Variants in ERRFI1 observed in about 807,000 individuals in gnomAD.
The protein encoded by ERRFI1 is mitogen-inducible gene 6 protein.
A neutral mutation model predicts 14.6 loss-of-function variants in ERRFI1; 12 were observed. The observed-to-expected ratio is 0.82, with a 90% CI of 0.53 to 1.33. The LOEUF (loss-of-function observed/expected upper bound fraction) is 1.33, where lower values mean the gene tolerates loss of function less well. Among genes scored for constraint, ERRFI1 ranks in the 40% most tolerant of loss-of-function variants. ERRFI1 has a pLI of 0.00. For missense variants in ERRFI1, 482 were observed against 572.1 expected (o/e 0.84, Z 1.61); for synonymous variants, 202 against 209.9 (o/e 0.96, Z 0.32).
At chr1:8,021,966 T>G (rs1001226749) in intron 1 of ERRFI1, among the ~76,000 whole-genome samples, 1 of 152,210 alleles carries the variant, frequency 6.6e-6, no homozygotes, top group African/African-American at 2.4e-5. Flanking sequence ...CTGCTCAACT[T>G]GTAAGGGTAG....
At chr1:8,021,428 A>G (rs1641272793) in intron 1 of ERRFI1, among the ~76,000 whole-genome samples, 1 of 152,230 alleles carries the variant, frequency 6.6e-6, no homozygotes, top group Non-Finnish European at 1.5e-5. Flanking sequence ...CCTACAGAGT[A>G]GCACAATCAG....
At chr1:8,014,683 A>G in intron 3 of ERRFI1, 1 of 396,456 alleles carries the variant, frequency 2.5e-6, no homozygotes, top group Admixed American at 4.2e-5. Flanking sequence ...ACGTGTGTAA[A>G]ATTCGCGGAA....
rs146922243 is a variant in ERRFI1, at chr1:8,014,065, A to T, written c.534T>A (p.Asp178Glu). ...TAGAGTCTTCTAAAAGGAAGTCTGT[A>T]TCTGAGCTAGTTAGGAATTCCACCT... ...DCEVEFLTSS[D>E]TDFLLEDSTL... The change falls in exon 4 of 4, where the codon GAT (aspartate) becomes GAA (glutamate). Residue 178 changes from aspartate to glutamate, a missense_variant. Asp to Glu is a conservative substitution (Grantham distance 45). Coordinates refer to ENST00000377482, the MANE Select transcript of ERRFI1 (RefSeq NM_018948.4). The T allele has an allele frequency of 1.2e-6, 2 of 1,614,060 alleles. No homozygotes were observed. The highest frequency in any genetic ancestry group is 2.7e-5 in the African/African-American group (2 of 74,912).
chr1:8,017,221 T>C (rs1201854111), intron 1 of ERRFI1, among the ~76,000 whole-genome samples: 5 of 151,994 alleles, frequency 3.3e-5, no homozygotes, highest in Admixed American at 6.6e-5. Context: ...AGGAACACAG[T>C]GATAAGTAAT....
intron 1 of ERRFI1, among the ~76,000 whole-genome samples, chr1:8,024,980 G>C (rs1446988657): frequency 5.3e-5 from 8 of 152,118 alleles, no homozygotes; most frequent in Admixed American, 5.2e-4. Flanking sequence ...CAACAAATGT[G>C]TGTACCCACT....
At position 8,015,702 on chromosome 1, in the gene ERRFI1, A is replaced by G. The variant is rs1641164207; in HGVS notation, c.-73-10T>C. The G allele has an allele frequency of 2.6e-6, 4 of 1,539,858 alleles. No homozygotes were observed. The highest frequency in any genetic ancestry group is 2.7e-6 in the Non-Finnish European group (3 of 1,123,542). ...CAGTAGCTTTCATTCCCTGGGAGGT[A>G]GAAGAGATGAGAGAATAAAGAAAAC... On this transcript the variant is annotated splice_polypyrimidine_tract_variant and intron_variant, in intron 1 of 3. Coordinates refer to ENST00000377482, the MANE Select transcript of ERRFI1 (RefSeq NM_018948.4).
intron 1 of ERRFI1, among the ~76,000 whole-genome samples, chr1:8,025,379 T>C (rs1210430880): frequency 6.6e-6 from 1 of 152,168 alleles, no homozygotes; most frequent in Admixed American, 6.5e-5. Context: ...GAACACATAA[T>C]TTTGCAGTCC....
At chr1:8,021,776 T>G (rs1228088582) in intron 1 of ERRFI1, among the ~76,000 whole-genome samples, 1 of 152,174 alleles carries the variant, frequency 6.6e-6, no homozygotes, top group Non-Finnish European at 1.5e-5. Flanking sequence ...ATTATTACTC[T>G]CACTTACTTG....
In ERRFI1 at chr1:8,015,592, C is replaced by T. The variant is rs1360219772; in HGVS notation, c.28G>A (p.Glu10Lys). The T allele has an allele frequency of 1.2e-6, 2 of 1,614,008 alleles. No individual in the cohort carries two copies. Among genetic ancestry groups the T allele is most frequent in the Non-Finnish European group, 1.7e-6 (2 of 1,179,992 alleles). Reference protein sequence around the residue: MSIAGVAAQEIRVPLKTGFL... With the variant: MSIAGVAAQKIRVPLKTGFL... ...CCAGTTTTTAATGGGACTCTGATCTCCTGAGCAGCAACTCCTGCTATTGAC... is the reference window on the plus strand; with the variant it reads ...CCAGTTTTTAATGGGACTCTGATCTTCTGAGCAGCAACTCCTGCTATTGAC... The change falls in exon 2 of 4, where the codon GAG becomes AAG. Residue 10 changes from glutamate to lysine, a missense_variant. Glu to Lys is a moderately conservative substitution (Grantham distance 56, BLOSUM62 1). Coordinates refer to ENST00000377482, the MANE Select transcript of ERRFI1 (RefSeq NM_018948.4).
intron 1 of ERRFI1, among the ~76,000 whole-genome samples, chr1:8,020,905 G>C (rs545132932): frequency 2.4e-4 from 36 of 152,294 alleles, no homozygotes; most frequent in African/African-American, 8.7e-4. Flanking sequence ...AGGGAGGCAA[G>C]TTAAGAAAAC....
intron 3 of ERRFI1, 103 bp downstream of exon 3, chr1:8,015,205 T>C: frequency 9.9e-7 from 1 of 1,009,322 alleles, no homozygotes; most frequent in Non-Finnish European, 1.5e-6. Context: ...TTGGAAATAG[T>C]TCAGGTTTCC....
In ERRFI1 at chr1:8,013,276, TG is replaced by T. The variant is rs1557463119; in HGVS notation, c.1322del (p.Ser441Ter). 6.2e-7 allele frequency: 1 copy of T among 1,614,148 alleles called. No homozygotes were observed. Among genetic ancestry groups the T allele is most frequent in the Non-Finnish European group, 8.5e-7 (1 of 1,180,016 alleles). ...GGCCACCCAGATCCATTTTTGTTTT[TG>T]AGTCTGGCTTTTCTGTGGCTGAAGA... Reference protein sequence around the residue: ...GISSATEKPDSKTKMDLGGHV... With the variant: ...GISSATEKPDXKTKMDLGGHV... On this transcript the variant is annotated frameshift_variant, in exon 4 of 4. Coordinates refer to ENST00000377482, the MANE Select transcript of ERRFI1 (RefSeq NM_018948.4). LOFTEE classifies it low-confidence loss of function (END_TRUNC). This position sits in a 1 kb window ranked among gnomAD's most constrained non-coding sequence, Gnocchi z 4.3.
At chr1:8,016,607 A>G (rs1218176701) in intron 1 of ERRFI1, among the ~76,000 whole-genome samples, 1 of 152,012 alleles carries the variant, frequency 6.6e-6, no homozygotes, top group Non-Finnish European at 1.5e-5. Context: ...TTCCTTTTTT[A>G]TTATTCGTTA....
rs980250925 is a variant in ERRFI1 at position 8,014,375 on chromosome 1, G to T, written c.224C>A (p.Pro75Gln). ...IPLGHASKSA[P>Q]MNGHCFAENG... ...TTCTGCAAAGCAGTGGCCATTCATC[G>T]GAGCAGATTTGGAAGCATGCCCTGG... The change falls in exon 4 of 4, where the codon CCG becomes CAG. Residue 75 changes from proline (P) to glutamine (Q), a missense_variant. By Grantham distance (76) the Pro-to-Gln change is moderately conservative. Coordinates refer to ENST00000377482, the MANE Select transcript of ERRFI1 (RefSeq NM_018948.4). 1 of 1,588,380 alleles carries T rather than the reference G, an allele frequency of 6.3e-7. No homozygotes were observed. Among genetic ancestry groups the T allele is most frequent in the Admixed American group, 1.8e-5 (1 of 56,534 alleles).
intron 1 of ERRFI1, among the ~76,000 whole-genome samples, chr1:8,024,439 G>T (rs550357257): frequency 4.4e-4 from 67 of 152,302 alleles, no homozygotes; most frequent in African/African-American, 1.4e-3. Context: ...CTCCAATCCT[G>T]CTGAGCCTTA....
At position 8,012,629 on chromosome 1, in the gene ERRFI1, G is replaced by A. The variant is rs1569577361; in HGVS notation, c.*581C>T. The A allele has an allele frequency of 1.8e-5, 4 of 228,236 alleles. No homozygotes were observed. In the South Asian group the frequency reaches 7.3e-4, roughly 42 times the overall value. The allele number at this position is 228,236 out of a possible 1,614,324, so 14.1% of individuals were successfully genotyped here. On this transcript the variant is annotated 3_prime_UTR_variant, in exon 4 of 4. Coordinates refer to ENST00000377482, the MANE Select transcript of ERRFI1 (RefSeq NM_018948.4). The stretch of plus-strand genomic sequence containing the variant: ...TTGGTATGATTTTTAACCTAAGCAG[G>A]TACACCCATGGTAAAGAATGGATAC...
intron 1 of ERRFI1, among the ~76,000 whole-genome samples, chr1:8,021,899 G>A (rs1641278327): frequency 6.6e-6 from 1 of 152,164 alleles, no homozygotes; most frequent in African/African-American, 2.4e-5. Flanking sequence ...ACACCACACT[G>A]CCTCTTCCTG....
At chr1:8,019,733 A>G (rs1641249842) in intron 1 of ERRFI1, among the ~76,000 whole-genome samples, 1 of 152,226 alleles carries the variant, frequency 6.6e-6, no homozygotes, top group African/African-American at 2.4e-5. Context: ...TAACAACCTT[A>G]GGATATGTAA....
At chr1:8,018,382 GGGGGGC>G (rs1641222903) in intron 1 of ERRFI1, among the ~76,000 whole-genome samples, 1 of 115,004 alleles carries the variant, frequency 8.7e-6, no homozygotes, top group African/African-American at 3.5e-5. Context: ...GCGGGGGGGG[GGGGGGC>G]GCGGAGTAAA....
Sources: gnomAD v4.1 joint callset for allele counts (sites outside exome capture counted in the v4.1 genomes callset) on GRCh38, gnomAD v4.1.1 for gene constraint, Gnocchi (gnomAD v3.1) non-coding constraint, MANE v1.5 for transcripts, NCBI Gene and HGNC (gene_info 2026-07-23, HGNC 2026-07-21) for gene names.